ANKH: variants seen among roughly 807,000 people sequenced by gnomAD.
ANKH encodes the protein ANKH inorganic pyrophosphate transport regulator.
In ANKH, 15 loss-of-function variants were observed where a neutral mutation model predicts 49.0. The observed-to-expected ratio is 0.31, with a 90% CI of 0.20 to 0.47. ANKH has a LOEUF of 0.47. ANKH is among the 20% of genes least tolerant of loss of function. ANKH has a pLI of 1.00. For missense variants in ANKH, 429 were observed against 652.0 expected (o/e 0.66, Z 3.72); for synonymous variants, 273 against 260.0 (o/e 1.05, Z -0.48).
Position 14,745,848 on chromosome 5 carries a change from A to T in ANKH, c.915+22T>A, listed in dbSNP as rs1313601227. 2.5e-6 allele frequency: 4 copies of T among 1,611,460 alleles called. No homozygotes were observed. Among genetic ancestry groups the T allele is most frequent in the Non-Finnish European group, 2.5e-6 (3 of 1,177,578 alleles). On this transcript the variant is annotated intron_variant, in intron 7 of 11. Transcript: ENST00000284268. This position sits in a 1 kb window ranked among gnomAD's most constrained non-coding sequence, Gnocchi z 4.7. ...GTCATTTCAAAAGCATGTTTCAGAC[A>T]CGACACCGCACGGGTTCTCACCTTG...
chr5:14,850,943 G>A (rs1016283559), intron 1 of ANKH, among the ~76,000 whole-genome samples: 8 of 152,062 alleles, frequency 5.3e-5, no homozygotes, highest in Non-Finnish European at 1.2e-4. Flanking sequence ...ACTGTGAGGT[G>A]CTCCCATTAG....
At chr5:14,827,524 GAGA>G (rs1741379379) in intron 1 of ANKH, among the ~76,000 whole-genome samples, 1 of 152,210 alleles carries the variant, frequency 6.6e-6, no homozygotes, top group Non-Finnish European at 1.5e-5. Context: ...AGGCATAGTT[GAGA>G]AGAAGGCTGT....
rs1347050393 is a variant in ANKH, at chr5:14,713,740, G to A, written c.1142-73C>T. 1.1e-5 allele frequency: 18 copies of A among 1,606,394 alleles called. No individual in the cohort carries two copies. The highest frequency in any genetic ancestry group is 1.4e-5 in the Non-Finnish European group (16 of 1,176,114). On this transcript the variant is annotated intron_variant, in intron 9 of 11. Transcript: ENST00000284268. This position sits in a 1 kb window ranked among gnomAD's most constrained non-coding sequence, Gnocchi z 4.4. The stretch of plus-strand genomic sequence containing the variant: ...CCCATCCTGCTGCCTCTGGACCAGG[G>A]CAGCACATCCGAGAGCCAGGGGCTG...
intron 3 of ANKH, 116 bp from the exon 4 acceptor site, chr5:14,756,060 C>A: frequency 1.2e-6 from 1 of 846,256 alleles, no homozygotes; most frequent in East Asian, 2.7e-5. Context: ...AAAGCCTTAG[C>A]AGCCCAGGTC....
intron 1 of ANKH, among the ~76,000 whole-genome samples, chr5:14,817,340 A>AGTGGAAATGAGTGAAATGGAAG (rs1164236378): frequency 1.3e-5 from 2 of 152,194 alleles, no homozygotes; most frequent in South Asian, 2.1e-4. Flanking sequence ...GCTAAACATG[A>AGTGGAAATGAGTGAAATGGAAG]GTGGAAATGA....
At chr5:14,789,871 T>C (rs1740106253) in intron 1 of ANKH, among the ~76,000 whole-genome samples, 1 of 152,144 alleles carries the variant, frequency 6.6e-6, no homozygotes, top group African/African-American at 2.4e-5. Context: ...TCACCATGCA[T>C]GGCTAATTTT....
At chr5:14,783,533 C>T (rs1420551538) in intron 1 of ANKH, among the ~76,000 whole-genome samples, 1 of 152,084 alleles carries the variant, frequency 6.6e-6, no homozygotes, top group Admixed American at 6.5e-5. Flanking sequence ...AAAATTGTCT[C>T]AAGGAATTAA....
At chr5:14,843,086 T>C (rs1210610714) in intron 1 of ANKH, among the ~76,000 whole-genome samples, 1 of 151,938 alleles carries the variant, frequency 6.6e-6, no homozygotes, top group African/African-American at 2.4e-5. Context: ...CAGACATTGC[T>C]AATTGCCTAC....
intron 7 of ANKH, among the ~76,000 whole-genome samples, chr5:14,744,596 GAGAAACTGCTC>G (rs886933698): frequency 4.7e-5 from 7 of 150,300 alleles, no homozygotes; most frequent in African/African-American, 1.7e-4. Flanking sequence ...TGCATTCACA[GAGAAACTGCTC>G]GGGAACTGCA....
rs140265860 is a variant in ANKH at position 14,786,640 on chromosome 5, T to C, written c.97-17449A>G. On this transcript the variant is annotated intron_variant, in intron 1 of 11. Coordinates refer to ENST00000284268, the MANE Select transcript of ANKH (RefSeq NM_054027.6). ...AAGAAAAACTGAAACAAGATGGTTG[T>C]CAAATTTTAAAAATTAAAATAAATG... Among the ~76,000 whole-genome samples, 1,174 of 152,346 alleles carry C rather than the reference T, an allele frequency of 7.7e-3. 8 individuals are homozygous for C. Among genetic ancestry groups the C allele is most frequent in the Non-Finnish European group, 0.013 (911 of 68,030 alleles).
intron 1 of ANKH, among the ~76,000 whole-genome samples, chr5:14,789,120 C>T (rs1348573714): frequency 2.0e-5 from 3 of 152,038 alleles, no homozygotes; most frequent in East Asian, 1.9e-4. Context: ...CCCAGCTACT[C>T]GGGAGGCTGA....
intron 8 of ANKH, among the ~76,000 whole-genome samples, chr5:14,723,657 A>G (rs1481544830): frequency 6.6e-6 from 1 of 152,196 alleles, no homozygotes; most frequent in Non-Finnish European, 1.5e-5. Flanking sequence ...AGAAAAAAAG[A>G]AGGAAGAAGA....
At chr5:14,731,966 G>A (rs1738019206) in intron 8 of ANKH, among the ~76,000 whole-genome samples, 1 of 152,214 alleles carries the variant, frequency 6.6e-6, no homozygotes, top group Non-Finnish European at 1.5e-5. Flanking sequence ...CAGGGGTCAT[G>A]ACGGGTCCCT....
At chr5:14,834,968 G>C (rs1401841139) in intron 1 of ANKH, among the ~76,000 whole-genome samples, 3 of 152,110 alleles carry the variant, frequency 2.0e-5, no homozygotes, top group African/African-American at 7.2e-5. Context: ...GCTTGTTTTA[G>C]TACCATCATT....
intron 1 of ANKH, among the ~76,000 whole-genome samples, chr5:14,860,839 C>T (rs1476853437): frequency 6.6e-6 from 1 of 152,054 alleles, no homozygotes; most frequent in African/African-American, 2.4e-5. Context: ...CTGGAGTGCA[C>T]TGGCATGATC....
In ANKH at chr5:14,776,183, G is replaced by C. The variant is rs529448444; in HGVS notation, c.97-6992C>G. On this transcript the variant is annotated intron_variant, in intron 1 of 11. Transcript: ENST00000284268. ...TGATGACTGCTGAGCTTTCTGGCTTGAGTCACTGATCAAGTGCTGCAGCAA... is the reference window on the plus strand; with the variant it reads ...TGATGACTGCTGAGCTTTCTGGCTTCAGTCACTGATCAAGTGCTGCAGCAA... 1.6e-4 allele frequency among the ~76,000 whole-genome samples: 24 copies of C among 152,332 alleles called. No individual in the cohort carries two copies. The East Asian group carries it at 3.9e-3, about 25-fold the overall frequency.
In ANKH at chr5:14,716,932, GA is replaced by G. The variant is rs200401049; in HGVS notation, c.1012-98del. Reference sequence around the variant, plus strand: ...GCACAATCCTTGGAGAGTTACGAAAGAGGGACAACCGGCCTGACTGGGTGGT... The same window carrying G: ...GCACAATCCTTGGAGAGTTACGAAAGGGGACAACCGGCCTGACTGGGTGGT... On this transcript the variant is annotated intron_variant, in intron 8 of 11. Transcript: ENST00000284268. 3,940 of 1,512,208 alleles carry G rather than the reference GA, an allele frequency of 2.6e-3. 18 individuals carry two copies. The highest frequency in any genetic ancestry group is 9.5e-3 in the East Asian group (398 of 42,076). 93.7% of individuals were successfully genotyped at this position (1,512,208 alleles called of 1,614,324 possible).
intron 8 of ANKH, 103 bp downstream of exon 8, chr5:14,741,724 C>A (rs777294054): frequency 3.7e-4 from 302 of 824,306 alleles, no homozygotes; most frequent in Non-Finnish European, 5.0e-4. Flanking sequence ...AATCCAGCAT[C>A]ACATTACATT....
intron 3 of ANKH, among the ~76,000 whole-genome samples, chr5:14,756,188 A>C (rs774398500): frequency 6.6e-6 from 1 of 152,198 alleles, no homozygotes; most frequent in East Asian, 1.9e-4. Context: ...AATTGTATGT[A>C]GACTAGTGCG....
Sources: gnomAD v4.1 joint callset for allele counts (sites outside exome capture counted in the v4.1 genomes callset) on GRCh38, gnomAD v4.1.1 for gene constraint, Gnocchi (gnomAD v3.1) non-coding constraint, MANE v1.5 for transcripts, NCBI Gene and HGNC (gene_info 2026-07-23, HGNC 2026-07-21) for gene names.